NTRK3: variants seen among roughly 807,000 people sequenced by gnomAD.
NTRK3 encodes neurotrophic receptor tyrosine kinase 3.
A neutral mutation model predicts 91.7 loss-of-function variants in NTRK3; 24 were observed. That is an observed-to-expected ratio of 0.26 (90% CI 0.19 to 0.37). The LOEUF is 0.37. NTRK3 is among the 10% of genes least tolerant of loss of function. The pLI is 1.00. For missense variants in NTRK3, 880 were observed against 1,068.9 expected (o/e 0.82, Z 2.46); for synonymous variants, 483 against 404.0 (o/e 1.20, Z -2.34).
intron 13 of NTRK3, among the ~76,000 whole-genome samples, chr15:88,097,620 G>T (rs1015084850): frequency 6.6e-6 from 1 of 152,188 alleles, no homozygotes; most frequent in African/African-American, 2.4e-5. Context: ...CATTGTTACT[G>T]ATAATAGTAT....
chr15:87,941,284 C>T (rs1480987849), intron 14 of NTRK3, among the ~76,000 whole-genome samples: 1 of 152,252 alleles, frequency 6.6e-6, no homozygotes, highest in East Asian at 1.9e-4. Context: ...GTTTTTTGAG[C>T]TTGGGAAAGT....
intron 13 of NTRK3, among the ~76,000 whole-genome samples, chr15:88,066,124 G>A (rs889721602): frequency 2.0e-5 from 3 of 152,178 alleles, no homozygotes; most frequent in Admixed American, 2.0e-4. Flanking sequence ...TGGCTTTTTA[G>A]CATAAACTAT....
chr15:88,186,732 T>C (rs944925516), intron 3 of NTRK3, among the ~76,000 whole-genome samples: 1 of 152,256 alleles, frequency 6.6e-6, no homozygotes, highest in South Asian at 2.1e-4. Context: ...CTGTCATCTA[T>C]AGCTCTCTTC....
intron 14 of NTRK3, among the ~76,000 whole-genome samples, chr15:88,028,853 C>T (rs562669098): frequency 8.5e-5 from 13 of 152,274 alleles, no homozygotes; most frequent in Admixed American, 3.9e-4. Context: ...AGAAGCCTTT[C>T]AACTGGCTTA....
chr15:88,046,079 T>C (rs1362607474), intron 13 of NTRK3, among the ~76,000 whole-genome samples: 1 of 152,172 alleles, frequency 6.6e-6, no homozygotes, highest in Non-Finnish European at 1.5e-5. Context: ...GCACCCAGGC[T>C]GGAGCATCAG....
intron 5 of NTRK3, 53 bp downstream of exon 5, chr15:88,183,365 C>A (rs1423033624): frequency 1.3e-6 from 2 of 1,583,930 alleles, no homozygotes; most frequent in Non-Finnish European, 1.7e-6. Flanking sequence ...GGTTTCACTG[C>A]CCCAAGAGTA....
At chr15:87,861,724 C>G (rs2064529588) in exon 19 of NTRK3, 1 of 194,924 alleles carries the variant, frequency 5.1e-6, no homozygotes, top group Non-Finnish European at 1.1e-5. Context: ...GAGCTCACCT[C>G]TAAAGAGGCA....
At chr15:87,936,389 G>A (rs749840739) in intron 15 of NTRK3, among the ~76,000 whole-genome samples, 1 of 152,068 alleles carries the variant, frequency 6.6e-6, no homozygotes, top group Non-Finnish European at 1.5e-5. Flanking sequence ...TGTCCACTCT[G>A]CCTTGGGGAG....
At chr15:87,948,858 G>T (rs542226862) in intron 14 of NTRK3, among the ~76,000 whole-genome samples, 126 of 152,264 alleles carry the variant, frequency 8.3e-4, no homozygotes, top group Admixed American at 1.9e-3. Context: ...GGATCTTTCT[G>T]CTGGCCAGTC....
intron 17 of NTRK3, among the ~76,000 whole-genome samples, chr15:87,925,269 A>G (rs1409954603): frequency 6.6e-6 from 1 of 152,190 alleles, no homozygotes; most frequent in Non-Finnish European, 1.5e-5. Context: ...TAGGCAGTTC[A>G]CCTTTGTAAA....
At chr15:88,008,839 C>T (rs1032157307) in intron 14 of NTRK3, among the ~76,000 whole-genome samples, 1 of 152,206 alleles carries the variant, frequency 6.6e-6, no homozygotes, top group African/African-American at 2.4e-5. Context: ...AGATCCACCT[C>T]CATGTTTAGC....
intron 5 of NTRK3, among the ~76,000 whole-genome samples, chr15:88,174,113 CA>C (rs2045779238): frequency 6.6e-6 from 1 of 152,136 alleles, no homozygotes. Context: ...AAAACTAAAA[CA>C]AATAGACAAC....
At chr15:88,019,606 T>A (rs921232849) in intron 14 of NTRK3, among the ~76,000 whole-genome samples, 1 of 152,228 alleles carries the variant, frequency 6.6e-6, no homozygotes, top group African/African-American at 2.4e-5. Context: ...AAAAGCTTTC[T>A]CAGTTTCAAC....
At chr15:88,121,989 G>A (rs1248630157) in intron 13 of NTRK3, among the ~76,000 whole-genome samples, 1 of 152,192 alleles carries the variant, frequency 6.6e-6, no homozygotes, top group Non-Finnish European at 1.5e-5. Flanking sequence ...TGTTCGGTTT[G>A]TTTCTAGGAG....
chr15:87,988,525 G>A (rs1446205742), intron 14 of NTRK3, among the ~76,000 whole-genome samples: 1 of 152,214 alleles, frequency 6.6e-6, no homozygotes, highest in Non-Finnish European at 1.5e-5. Flanking sequence ...AGAGATATAA[G>A]GGAATGCTCG....
chr15:88,185,262 T>TA (rs1387347973), intron 3 of NTRK3, among the ~76,000 whole-genome samples: 1 of 152,222 alleles, frequency 6.6e-6, no homozygotes, highest in Non-Finnish European at 1.5e-5. Context: ...CAGAGCTTTT[T>TA]ATCAACAGAC....
At chr15:87,886,007 T>A (rs1033925028) in intron 17 of NTRK3, among the ~76,000 whole-genome samples, 9 of 151,908 alleles carry the variant, frequency 5.9e-5, no homozygotes, top group Non-Finnish European at 1.0e-4. Flanking sequence ...TTCAAATTAG[T>A]TAGGAAAAGC....
At chr15:88,144,879 G>C (rs182017453) in intron 6 of NTRK3, among the ~76,000 whole-genome samples, 2 of 152,230 alleles carry the variant, frequency 1.3e-5, no homozygotes, top group East Asian at 3.9e-4. Context: ...GGGCTGGTTG[G>C]GGTACAGCAG....
chr15:88,067,705 G>T (rs893329361), intron 13 of NTRK3, among the ~76,000 whole-genome samples: 1 of 152,206 alleles, frequency 6.6e-6, no homozygotes, highest in Non-Finnish European at 1.5e-5. Context: ...AGAGGCCAAA[G>T]TTGGTAGAAT....
Sources: gnomAD v4.1 joint callset for allele counts (sites outside exome capture counted in the v4.1 genomes callset) on GRCh38, gnomAD v4.1.1 for gene constraint, MANE v1.5 for transcripts, NCBI Gene and HGNC (gene_info 2026-07-23, HGNC 2026-07-21) for gene names.